Variants in DNAH5 observed in about 807,000 individuals in gnomAD.
The protein encoded by DNAH5 is axonemal beta dynein heavy chain 5.
A neutral mutation model predicts 518.2 loss-of-function variants in DNAH5; 372 were observed. The observed-to-expected ratio is 0.72, with a 90% CI of 0.66 to 0.78. DNAH5 has a LOEUF of 0.78. DNAH5 is among the 30% of genes least tolerant of loss of function. The pLI is 0.00. For synonymous variants in DNAH5, 2,039 were observed against 2,025.9 expected, an observed-to-expected ratio of 1.01 and a Z score of -0.17; for missense variants, 5,523 against 5,687.0, an observed-to-expected ratio of 0.97 and a Z score of 0.93.
At chr5:13,949,539 A>G (rs1459410248), upstream of DNAH5, among the ~76,000 whole-genome samples, 1 of 152,112 alleles carries the variant, frequency 6.6e-6, no homozygotes, top group African/African-American at 2.4e-5. Flanking sequence ...TTCCTGGGAG[A>G]CTCATCTGTC....
chr5:13,761,390 A>G (rs939699654), intron 60 of DNAH5, among the ~76,000 whole-genome samples: 10 of 152,030 alleles, frequency 6.6e-5, no homozygotes, highest in African/African-American at 9.7e-5. Context: ...TCAGGAGATC[A>G]AGACCATCCT....
At chr5:13,973,706 T>A in intron 1 of DNAH5, among the ~76,000 whole-genome samples, 1 of 129,998 alleles carries the variant, frequency 7.7e-6, no homozygotes, top group Non-Finnish European at 1.6e-5. Flanking sequence ...AGAATCAAAA[T>A]GGAGTCACTT....
chr5:13,756,019 C>T (rs953951023), intron 61 of DNAH5, among the ~76,000 whole-genome samples: 3 of 152,178 alleles, frequency 2.0e-5, no homozygotes, highest in African/African-American at 7.2e-5. Context: ...GGGGAGCACA[C>T]GGGACTTACT....
chr5:13,986,233 A>G (rs1403128410), intron 1 of DNAH5, among the ~76,000 whole-genome samples: 1 of 152,190 alleles, frequency 6.6e-6, no homozygotes, highest in Non-Finnish European at 1.5e-5. Context: ...GTGTGTGTGC[A>G]TTCTGAGCTT....
At chr5:13,862,820 C>A (rs1298762853) in intron 28 of DNAH5, 73 bp from the exon 29 acceptor site, 5 of 892,726 alleles carry the variant, frequency 5.6e-6, no homozygotes, top group South Asian at 2.1e-5. Flanking sequence ...ACGTGCAATA[C>A]CCCATCTTCA....
intron 9 of DNAH5, among the ~76,000 whole-genome samples, chr5:13,915,171 G>T (rs6893653): frequency 6.6e-6 from 1 of 151,744 alleles, no homozygotes; most frequent in Admixed American, 6.6e-5. Context: ...TAATTTTTTG[G>T]ATAAAGCATA....
intron 78 of DNAH5, among the ~76,000 whole-genome samples, chr5:13,697,931 T>G (rs915014794): frequency 2.0e-5 from 3 of 152,244 alleles, no homozygotes; most frequent in African/African-American, 7.2e-5. Flanking sequence ...AAATTTCATG[T>G]GTTGAAAACT....
chr5:13,872,658 C>T (rs1187631307), intron 22 of DNAH5, among the ~76,000 whole-genome samples: 2 of 152,082 alleles, frequency 1.3e-5, no homozygotes, highest in African/African-American at 4.8e-5. Context: ...GACTCTCTGG[C>T]AATTGGTAAA....
At chr5:13,950,223 G>A (rs895253326) in intron 1 of DNAH5, among the ~76,000 whole-genome samples, 3 of 152,068 alleles carry the variant, frequency 2.0e-5, no homozygotes, top group African/African-American at 7.2e-5. Context: ...TTCTCCATAA[G>A]AGTTTTTTTT....
At chr5:13,823,922 A>G (rs1762558058) in intron 39 of DNAH5, among the ~76,000 whole-genome samples, 1 of 152,214 alleles carries the variant, frequency 6.6e-6, no homozygotes, top group Non-Finnish European at 1.5e-5. Context: ...TGAGTTCTAA[A>G]ACACAAAAAT....
chr5:13,865,742 A>G lies in DNAH5; in HGVS notation c.4281T>C (p.Asn1427=), dbSNP rs1357709385. ...CTGACCAAAGAATATCATAATAGCT[A>G]TTTACAGTTTCTATGACACTGTTGT... The part of the protein sequence containing the change: ...TLYNSVIETV[N]SYYDILWSEV... The change falls in exon 27 of 79, where the codon AAT becomes AAC. Residue 1427 remains asparagine (N), a synonymous_variant. Coordinates refer to ENST00000265104, the MANE Select transcript of DNAH5 (RefSeq NM_001369.3). 1.2e-6 allele frequency: 2 copies of G among 1,608,562 alleles called. No homozygotes were observed. The highest frequency in any genetic ancestry group is 1.1e-5 in the South Asian group (1 of 90,928).
intron 67 of DNAH5, among the ~76,000 whole-genome samples, 195 bp from the exon 68 acceptor site, chr5:13,735,516 G>C (rs1192693923): frequency 6.6e-6 from 1 of 152,128 alleles, no homozygotes; most frequent in Non-Finnish European, 1.5e-5. Context: ...CCCGAATGTT[G>C]TCTAAATCAA....
chr5:13,806,492 A>G (rs1471936010), intron 47 of DNAH5, among the ~76,000 whole-genome samples: 1 of 152,244 alleles, frequency 6.6e-6, no homozygotes, highest in Non-Finnish European at 1.5e-5. Context: ...CATGCCTTCA[A>G]CAAGTTTCAT....
chr5:13,824,612 T>G (rs1010823798), intron 38 of DNAH5, among the ~76,000 whole-genome samples: 4 of 152,220 alleles, frequency 2.6e-5, no homozygotes, highest in African/African-American at 9.6e-5. Flanking sequence ...AATTTCTTCT[T>G]GGAATACAGA....
chr5:13,814,900 GTACA>G (rs1761251190), intron 42 of DNAH5, 54 bp from the exon 43 acceptor site: 1 of 1,543,246 alleles, frequency 6.5e-7, no homozygotes, highest in African/African-American at 1.4e-5. Flanking sequence ...TGCAGTGCAT[GTACA>G]CATAAGTTTA....
chr5:13,939,676 G>A (rs1391316911), intron 1 of DNAH5, among the ~76,000 whole-genome samples: 1 of 152,082 alleles, frequency 6.6e-6, no homozygotes, highest in Non-Finnish European at 1.5e-5. Flanking sequence ...AATTGGCTGG[G>A]AGAACCACAA....
chr5:13,857,892 G>A (rs975764709), intron 30 of DNAH5, among the ~76,000 whole-genome samples: 9 of 152,156 alleles, frequency 5.9e-5, no homozygotes, highest in South Asian at 4.1e-4. Context: ...AACATAAGAC[G>A]TAAAACCATA....
In DNAH5 at chr5:13,871,624, C is replaced by A; in HGVS notation, c.3538G>T (p.Glu1180Ter). 2 of 1,613,760 alleles carry A rather than the reference C, an allele frequency of 1.2e-6. No homozygotes were observed. Among genetic ancestry groups the A allele is most frequent in the Non-Finnish European group, 1.7e-6 (2 of 1,179,788 alleles). Residue 1180 changes from glutamate (E) to a stop codon, truncating the protein, a stop_gained, in exon 23 of 79, where the codon GAG (glutamate) becomes TAG (stop). Transcript: ENST00000265104. LOFTEE classifies it high-confidence loss of function. ...TCAGGCTCAGCATTAATTTCCTGCT[C>A]TAGGTTTTGGAAATAGAGAATCTGG... The part of the protein sequence containing the change: ...ESQILYFQNL[E>*]QEINAEPEYV...
Position 13,917,271 on chromosome 5 carries a change from G to T in DNAH5, c.976-15C>A. 1 of 1,589,006 alleles carries T rather than the reference G, an allele frequency of 6.3e-7. No individual in the cohort carries two copies. Among genetic ancestry groups the T allele is most frequent in the South Asian group, 1.1e-5 (1 of 90,554 alleles). On this transcript the variant is annotated splice_polypyrimidine_tract_variant and intron_variant, in intron 7 of 78. Transcript: ENST00000265104. ...TCCCGCCAAGTCTAAGCACAATAGGGAAAAGCAATTTTAATGTAATTATTA... is the reference window on the plus strand; with the variant it reads ...TCCCGCCAAGTCTAAGCACAATAGGTAAAAGCAATTTTAATGTAATTATTA...
Sources: allele counts gnomAD v4.1 joint callset (sites outside exome capture counted in the v4.1 genomes callset), GRCh38; gene constraint gnomAD v4.1.1; transcripts MANE v1.5; gene names NCBI Gene and HGNC (gene_info 2026-07-23, HGNC 2026-07-21).